Variants in NADSYN1 observed in about 807,000 individuals in gnomAD.
NADSYN1 encodes the protein glutamine-dependent NAD(+) synthetase.
Under a neutral mutation model 99.3 loss-of-function variants are expected in NADSYN1, and 80 were observed. That is an observed-to-expected ratio of 0.81 (90% CI 0.67 to 0.97). NADSYN1 has a LOEUF of 0.97. Among genes scored for constraint, NADSYN1 ranks in the 50% least tolerant of loss-of-function variants. NADSYN1 has a pLI of 0.00. For synonymous variants in NADSYN1, 385 were observed against 372.1 expected, an observed-to-expected ratio of 1.03 and a Z score of -0.40; for missense variants, 859 against 948.5, an observed-to-expected ratio of 0.91 and a Z score of 1.24.
intron 1 of NADSYN1, among the ~76,000 whole-genome samples, chr11:71,454,613 C>A (rs1206042162): frequency 6.6e-6 from 1 of 152,238 alleles, no homozygotes; most frequent in Admixed American, 6.5e-5. Context: ...TAAGTTTCCA[C>A]TCTGCCAGCC....
chr11:71,482,178 ATCCCAG>A (rs1348359801), intron 13 of NADSYN1, among the ~76,000 whole-genome samples, 153 bp downstream of exon 13: 1 of 152,160 alleles, frequency 6.6e-6, no homozygotes, highest in Non-Finnish European at 1.5e-5. Flanking sequence ...ACAGCATCAC[ATCCCAG>A]TCCTGCAGCT....
At chr11:71,458,043 A>C (rs1281967800) in intron 2 of NADSYN1, among the ~76,000 whole-genome samples, 1 of 152,154 alleles carries the variant, frequency 6.6e-6, no homozygotes, top group Non-Finnish European at 1.5e-5. Flanking sequence ...AATGGTTATT[A>C]GTGATCTTCT....
chr11:71,472,568 G>A (rs1949634324), intron 6 of NADSYN1, 68 bp downstream of exon 6: 1 of 1,436,026 alleles, frequency 7.0e-7, no homozygotes. Flanking sequence ...AGTGGACCAG[G>A]TGGGGCGGGA....
At chr11:71,454,898 C>CATGTGTATACAG (rs3831470) in intron 1 of NADSYN1, among the ~76,000 whole-genome samples, 4 of 151,824 alleles carry the variant, frequency 2.6e-5, no homozygotes, top group Non-Finnish European at 4.4e-5. Context: ...CAGGCGTACT[C>CATGTGTATACAG]GTGTATACAG....
chr11:71,488,135 G>A (rs1433737862), intron 16 of NADSYN1, among the ~76,000 whole-genome samples: 2 of 151,936 alleles, frequency 1.3e-5, no homozygotes, highest in Non-Finnish European at 2.9e-5. Flanking sequence ...TAGTTCAGTC[G>A]CATCCCTGTC....
intron 5 of NADSYN1, among the ~76,000 whole-genome samples, chr11:71,468,636 C>T (rs1001238323): frequency 2.6e-5 from 4 of 152,104 alleles, no homozygotes; most frequent in South Asian, 2.1e-4. Flanking sequence ...AGAGATAGCA[C>T]ATAAGACAGA....
Position 71,478,048 on chromosome 11 carries a change from A to T in NADSYN1, c.799-347A>T, listed in dbSNP as rs185707364. On this transcript the variant is annotated intron_variant, in intron 9 of 20. Transcript: ENST00000319023. Reference sequence around the variant, plus strand: ...ACTGACAGGGGTGTGTCTTACTGACATGGGGGTGTCTTACTGACATGGGGG... The same window carrying T: ...ACTGACAGGGGTGTGTCTTACTGACTTGGGGGTGTCTTACTGACATGGGGG... Among the ~76,000 whole-genome samples, 277 of 151,512 alleles carry T rather than the reference A, an allele frequency of 1.8e-3. 2 individuals carry two copies. The highest frequency in any genetic ancestry group is 3.1e-3 in the Non-Finnish European group (211 of 67,818).
chr11:71,487,561 G>A (rs1170064865), intron 16 of NADSYN1, among the ~76,000 whole-genome samples: 1 of 152,188 alleles, frequency 6.6e-6, no homozygotes, highest in Non-Finnish European at 1.5e-5. Flanking sequence ...GCTGGGCACA[G>A]TGGCTCACGT....
intron 3 of NADSYN1, among the ~76,000 whole-genome samples, chr11:71,462,764 C>T (rs537016975): frequency 6.6e-5 from 10 of 152,256 alleles, no homozygotes; most frequent in Middle Eastern, 6.8e-3. Context: ...CTCTGGCAGG[C>T]GCCTGTGCTT....
chr11:71,479,767 G>A (rs1449991917), intron 10 of NADSYN1: 1 of 152,280 alleles, frequency 6.6e-6, no homozygotes, highest in African/African-American at 2.4e-5. Flanking sequence ...CCCCTGCAGG[G>A]ATGCCTGTGT....
chr11:71,455,057 G>C (rs1949503986), intron 1 of NADSYN1, 53 bp from the exon 2 acceptor site: 1 of 1,351,720 alleles, frequency 7.4e-7, no homozygotes, highest in South Asian at 1.2e-5. Context: ...ATCTGTCTTT[G>C]AGTGTATAGG....
chr11:71,491,266 G>A (rs1053957814), intron 17 of NADSYN1, among the ~76,000 whole-genome samples: 2 of 152,232 alleles, frequency 1.3e-5, no homozygotes, highest in African/African-American at 2.4e-5. Context: ...GCCGAGGCTC[G>A]CCACATCTGA....
Position 71,473,660 on chromosome 11 carries a change from G to T in NADSYN1, c.640G>T (p.Asp214Tyr). Residue 214 changes from aspartate to tyrosine, a missense_variant, in exon 8 of 21, where the codon GAT becomes TAT. Physicochemically the swap from Asp to Tyr is radical, Grantham distance 160. Transcript: ENST00000319023. ...QVLRKANTRVDLVTMVTSKNG... is the reference protein window; with the variant it reads ...QVLRKANTRVYLVTMVTSKNG... Reference sequence around the variant, plus strand: ...GCTGCGCAAAGCCAACACCAGGGTGGATCTCGTGACTATGGTCACCAGCAA... The same window carrying T: ...GCTGCGCAAAGCCAACACCAGGGTGTATCTCGTGACTATGGTCACCAGCAA... 1 of 1,612,956 alleles carries T rather than the reference G, an allele frequency of 6.2e-7. No homozygotes were observed. The highest frequency in any genetic ancestry group is 8.5e-7 in the Non-Finnish European group (1 of 1,179,660).
chr11:71,463,364 C>T (rs1949563379), intron 3 of NADSYN1, 68 bp from the exon 4 acceptor site: 21 of 1,390,326 alleles, frequency 1.5e-5, no homozygotes, highest in South Asian at 2.3e-5. Flanking sequence ...GAGCTGCAGC[C>T]GCTGCCTCCA....
chr11:71,476,605 C>T, intron 9 of NADSYN1: 2 of 972,704 alleles, frequency 2.1e-6, no homozygotes, highest in Non-Finnish European at 2.4e-6. Flanking sequence ...CTGCTTTCCA[C>T]ATGACAGTGT....
At chr11:71,498,602 G>C in intron 20 of NADSYN1, 74 bp downstream of exon 20, 1 of 1,543,934 alleles carries the variant, frequency 6.5e-7, no homozygotes, top group Non-Finnish European at 8.8e-7. Flanking sequence ...TTCCATGAAG[G>C]ATTGAAAAAC....
chr11:71,494,508 C>T (rs1180678620), intron 18 of NADSYN1, among the ~76,000 whole-genome samples: 1 of 151,586 alleles, frequency 6.6e-6, no homozygotes, highest in Non-Finnish European at 1.5e-5. Flanking sequence ...CAGTGATGCG[C>T]GCCTGTCTTT....
chr11:71,462,665 CTTA>C (rs1949558034), intron 3 of NADSYN1, among the ~76,000 whole-genome samples: 1 of 152,216 alleles, frequency 6.6e-6, no homozygotes, highest in Non-Finnish European at 1.5e-5. Flanking sequence ...ACACCGGTTA[CTTA>C]GCCAGTGGCA....
chr11:71,497,538 T>C lies in NADSYN1; in HGVS notation c.1820T>C (p.Val607Ala). ...TCGGTCTATGGGAAACTCAGGAAGGTGGCCAAGATGGGGCCCTACAGCATG... is the reference window on the plus strand; with the variant it reads ...TCGGTCTATGGGAAACTCAGGAAGGCGGCCAAGATGGGGCCCTACAGCATG... ...ELSVYGKLRK[V>A]AKMGPYSMFC... Residue 607 changes from valine to alanine, a missense_variant, in exon 19 of 21, where the codon GTG becomes GCG. By Grantham distance (64) the Val-to-Ala change is moderately conservative. Coordinates refer to ENST00000319023, the MANE Select transcript of NADSYN1 (RefSeq NM_018161.5). 6.2e-7 allele frequency: 1 copy of C among 1,614,112 alleles called. No homozygotes were observed. Among genetic ancestry groups the C allele is most frequent in the Non-Finnish European group, 8.5e-7 (1 of 1,180,016 alleles).
Sources: gnomAD v4.1 joint callset for allele counts (sites outside exome capture counted in the v4.1 genomes callset) on GRCh38, gnomAD v4.1.1 for gene constraint, MANE v1.5 for transcripts, NCBI Gene and HGNC (gene_info 2026-07-23, HGNC 2026-07-21) for gene names.